The following ZC3H3 variants were observed in gnomAD, a reference collection of about 807,000 sequenced individuals.
ZC3H3 encodes the protein zinc finger CCCH-type containing 3.
A neutral mutation model predicts 77.3 loss-of-function variants in ZC3H3; 36 were observed. The ratio of observed to expected loss-of-function variants is 0.47; its 90% confidence interval spans 0.36 to 0.61. The LOEUF is 0.61. ZC3H3 is among the 20% of genes least tolerant of loss of function. ZC3H3 has a pLI of 0.00. For synonymous variants in ZC3H3, 626 were observed against 555.2 expected, an observed-to-expected ratio of 1.13 and a Z score of -1.79; for missense variants, 1,331 against 1,312.2, an observed-to-expected ratio of 1.01 and a Z score of -0.22.
At chr8:143,499,420 C>G (rs1821458241) in intron 4 of ZC3H3, among the ~76,000 whole-genome samples, 2 of 152,132 alleles carry the variant, frequency 1.3e-5, no homozygotes, top group South Asian at 2.1e-4. Flanking sequence ...TGCTCTGGCC[C>G]TGGGTCTTGC....
At chr8:143,465,287 T>C (rs1350500789) in intron 9 of ZC3H3, among the ~76,000 whole-genome samples, 1 of 151,378 alleles carries the variant, frequency 6.6e-6, no homozygotes, top group Non-Finnish European at 1.5e-5. Context: ...TGGGTGGGAG[T>C]GTCCCGTCCA....
At chr8:143,464,523 C>T (rs1018150970) in intron 9 of ZC3H3, among the ~76,000 whole-genome samples, 3 of 152,174 alleles carry the variant, frequency 2.0e-5, no homozygotes, top group African/African-American at 4.8e-5. Flanking sequence ...GGGCCCGGCC[C>T]ACCACAGAAC....
In ZC3H3 at chr8:143,454,388, G is replaced by C. The variant is rs572380060; in HGVS notation, c.2307+11329C>G. Among the ~76,000 whole-genome samples the C allele has an allele frequency of 1.2e-3, 180 of 150,502 alleles. 2 individuals are homozygous for C. The highest frequency in any genetic ancestry group is 4.0e-3 in the African/African-American group (162 of 40,868). Reference sequence around the variant, plus strand: ...TTATAGGTGTGAGCCATCGTGCCTGGCCAACAATTCATAATTTTTTTTTTT... The same window carrying C: ...TTATAGGTGTGAGCCATCGTGCCTGCCCAACAATTCATAATTTTTTTTTTT... On this transcript the variant is annotated intron_variant, in intron 9 of 11. Transcript: ENST00000262577.
In ZC3H3 at chr8:143,448,798, C is replaced by G. The variant is rs974075427; in HGVS notation, c.2308-7678G>C. 2.0e-5 allele frequency among the ~76,000 whole-genome samples: 3 copies of G among 152,246 alleles called. No individual in the cohort carries two copies. The East Asian group carries it at 5.8e-4, about 29-fold the overall frequency. On this transcript the variant is annotated intron_variant, in intron 9 of 11. Transcript: ENST00000262577. Reference sequence around the variant, plus strand: ...GGGGGCTCCAATGCCACATTTCCCCCTAGCAGAAGTTCTCTATGAGGGCTT... The same window carrying G: ...GGGGGCTCCAATGCCACATTTCCCCGTAGCAGAAGTTCTCTATGAGGGCTT...
At chr8:143,524,803 C>A (rs1258389792) in intron 3 of ZC3H3, among the ~76,000 whole-genome samples, 2 of 152,262 alleles carry the variant, frequency 1.3e-5, no homozygotes, top group Admixed American at 1.3e-4. Flanking sequence ...CCCACAAGAC[C>A]CCACAGCAGG....
At chr8:143,526,261 G>A (rs1344226303) in intron 3 of ZC3H3, among the ~76,000 whole-genome samples, 1 of 152,166 alleles carries the variant, frequency 6.6e-6, no homozygotes, top group Non-Finnish European at 1.5e-5. Context: ...TCGCCAGGCT[G>A]GCCCACCAGT....
chr8:143,481,994 C>T (rs1413919216), intron 4 of ZC3H3, among the ~76,000 whole-genome samples: 1 of 152,264 alleles, frequency 6.6e-6, no homozygotes, highest in African/African-American at 2.4e-5. Flanking sequence ...GCACCCACCC[C>T]ACCCTGCCAG....
intron 3 of ZC3H3, among the ~76,000 whole-genome samples, chr8:143,523,031 C>T (rs1434555690): frequency 6.6e-6 from 1 of 152,372 alleles, no homozygotes; most frequent in Non-Finnish European, 1.5e-5. Context: ...CCCCCTCATC[C>T]TGATAGTCCA....
intron 3 of ZC3H3, among the ~76,000 whole-genome samples, chr8:143,532,176 T>C (rs1057025183): frequency 6.6e-6 from 1 of 152,266 alleles, no homozygotes; most frequent in Admixed American, 6.5e-5. Flanking sequence ...TAGCAGGTTA[T>C]TGCTGCAAAT....
At chr8:143,438,883 C>T (rs1325726852) in intron 11 of ZC3H3, among the ~76,000 whole-genome samples, 1 of 152,220 alleles carries the variant, frequency 6.6e-6, no homozygotes, top group Non-Finnish European at 1.5e-5. Context: ...ACTACACAGG[C>T]TCTGACCCGT....
chr8:143,498,516 T>C (rs411685), intron 4 of ZC3H3, among the ~76,000 whole-genome samples: 4,240 of 152,178 alleles, frequency 0.028, 177 homozygotes, highest in African/African-American at 0.096. Flanking sequence ...GGCTCCAGGA[T>C]GCCCCCAGAG....
chr8:143,539,430 T>C, intron 1 of ZC3H3, 110 bp from the exon 2 acceptor site: 1 of 1,167,622 alleles, frequency 8.6e-7, no homozygotes, highest in Non-Finnish European at 1.2e-6. Flanking sequence ...ATCTCACTTC[T>C]GAGCCCCTGC....
chr8:143,446,648 C>A (rs887950947), intron 9 of ZC3H3, among the ~76,000 whole-genome samples: 1 of 152,214 alleles, frequency 6.6e-6, no homozygotes, highest in Non-Finnish European at 1.5e-5. Context: ...GCTTTTAATC[C>A]TTCTAATGGT....
chr8:143,527,956 G>A (rs540113356), intron 3 of ZC3H3, among the ~76,000 whole-genome samples: 4 of 152,170 alleles, frequency 2.6e-5, no homozygotes, highest in Admixed American at 6.5e-5. Context: ...CCCACACCAC[G>A]CCTGGGGGCT....
chr8:143,464,347 G>A (rs1251310623), intron 9 of ZC3H3, among the ~76,000 whole-genome samples: 1 of 152,250 alleles, frequency 6.6e-6, no homozygotes, highest in Non-Finnish European at 1.5e-5. Flanking sequence ...CACAGGGTCT[G>A]GGGCTGCCCC....
chr8:143,459,700 G>T (rs1189164962), intron 9 of ZC3H3, among the ~76,000 whole-genome samples: 1 of 151,822 alleles, frequency 6.6e-6, no homozygotes, highest in East Asian at 1.9e-4. Context: ...TAGAATAAAG[G>T]AAAAAGACCA....
At chr8:143,498,705 AGAGGGGTACAGGGCGGGGCG>A (rs1821425649) in intron 4 of ZC3H3, among the ~76,000 whole-genome samples, 6 of 121,348 alleles carry the variant, frequency 4.9e-5, no homozygotes, top group Admixed American at 1.7e-4. Context: ...AACCGGGGGC[AGAGGGGTACAGGGCGGGGCG>A]GAGGGGCACA....
At position 143,464,128 on chromosome 8, in the gene ZC3H3, G is replaced by A. The variant is rs559085666; in HGVS notation, c.2307+1589C>T. 2.0e-3 allele frequency among the ~76,000 whole-genome samples: 311 copies of A among 152,360 alleles called. 2 individuals carry two copies. Among genetic ancestry groups the A allele is most frequent in the Non-Finnish European group, 9.1e-4 (62 of 68,044 alleles). On this transcript the variant is annotated intron_variant, in intron 9 of 11. Coordinates refer to ENST00000262577, the MANE Select transcript of ZC3H3 (RefSeq NM_015117.3). Reference sequence around the variant, plus strand: ...CAGGCCCGGGCTGCCGCCTGTCCCCGCTGGATCTGGCCGGCTCAGCGCTTT... The same window carrying A: ...CAGGCCCGGGCTGCCGCCTGTCCCCACTGGATCTGGCCGGCTCAGCGCTTT...
intron 11 of ZC3H3, among the ~76,000 whole-genome samples, chr8:143,439,756 T>G (rs1259034764): frequency 2.0e-5 from 3 of 152,222 alleles, no homozygotes; most frequent in Non-Finnish European, 4.4e-5. Flanking sequence ...CACCTGGAGA[T>G]TCTGACGTGG....
Sources: gnomAD v4.1 joint callset for allele counts (sites outside exome capture counted in the v4.1 genomes callset) on GRCh38, gnomAD v4.1.1 for gene constraint, MANE v1.5 for transcripts, NCBI Gene and HGNC (gene_info 2026-07-23, HGNC 2026-07-21) for gene names.